CSF1R: variants seen among roughly 807,000 people sequenced by gnomAD.
CSF1R encodes the protein colony stimulating factor 1 receptor.
Under a neutral mutation model 110.0 loss-of-function variants are expected in CSF1R, and 40 were observed. The ratio of observed to expected loss-of-function variants is 0.36; its 90% CI spans 0.28 to 0.47. CSF1R has a LOEUF of 0.47. CSF1R is among the 20% of genes least tolerant of loss of function. The pLI is 0.99. For synonymous variants in CSF1R, 523 were observed against 503.4 expected, an observed-to-expected ratio of 1.04 and a Z score of -0.52; for missense variants, 1,052 against 1,253.0, an observed-to-expected ratio of 0.84 and a Z score of 2.42.
rs1364326384 is a variant in CSF1R, at chr5:150,077,447, A to G, written c.730-12T>C. ...TGAGGGATTGCGAGCTGCAGCCAGAAGGAATGGAGATGTTATACCAAGGTA... is the reference window on the plus strand; with the variant it reads ...TGAGGGATTGCGAGCTGCAGCCAGAGGGAATGGAGATGTTATACCAAGGTA... On this transcript the variant is annotated splice_polypyrimidine_tract_variant and intron_variant, in intron 4 of 20. Transcript: ENST00000675795. The G allele has an allele frequency of 6.2e-7, 1 of 1,608,712 alleles. No individual in the cohort carries two copies. The highest frequency in any genetic ancestry group is 1.1e-5 in the South Asian group (1 of 90,596).
At chr5:150,056,470 A>G (rs890814308) in intron 16 of CSF1R, 129 bp from the exon 17 acceptor site, 38 of 1,154,266 alleles carry the variant, frequency 3.3e-5, no homozygotes, top group Non-Finnish European at 4.7e-5. Flanking sequence ...TTGGTCCTTT[A>G]CCACAAACCC....
chr5:150,084,135 G>A (rs970143562), intron 1 of CSF1R, among the ~76,000 whole-genome samples: 3 of 151,884 alleles, frequency 2.0e-5, no homozygotes, highest in East Asian at 2.0e-4. Context: ...TCAGGAGTTC[G>A]AGACCAGCAT....
intron 14 of CSF1R, 60 bp from the exon 15 acceptor site, chr5:150,057,652 C>T (rs1027229361): frequency 7.6e-7 from 1 of 1,311,094 alleles, no homozygotes; most frequent in African/African-American, 1.5e-5. Flanking sequence ...CTGCTCAGCT[C>T]AGGCCTTGAC....
At chr5:150,107,844 G>C (rs1176562813) in intron 1 of CSF1R, among the ~76,000 whole-genome samples, 14 of 152,250 alleles carry the variant, frequency 9.2e-5, no homozygotes, top group African/African-American at 2.9e-4. Context: ...AATAATGCAG[G>C]TGAAGGGCAT....
chr5:150,109,542 T>C (rs1759658014), intron 1 of CSF1R, among the ~76,000 whole-genome samples: 1 of 152,200 alleles, frequency 6.6e-6, no homozygotes, highest in Non-Finnish European at 1.5e-5. Context: ...CATTTCTGTC[T>C]TCAACTCTTC....
In CSF1R at chr5:150,059,819, C is replaced by G. The variant is rs2113787668; in HGVS notation, c.2013G>C (p.Leu671=). The change falls in exon 14 of 21, where the codon CTG becomes CTC. Residue 671 remains leucine, a synonymous_variant. Transcript: ENST00000675795. The stretch of plus-strand genomic sequence containing the variant: ...CAGCCTTCCTTCGCAGAAAGTTGAG[C>G]AGGTCGCCATAGCAACAGTACTCCG... The part of the protein sequence containing the change: ...VITEYCCYGD[L]LNFLRRKAEA... 6.2e-7 allele frequency: 1 copy of G among 1,614,166 alleles called. No homozygotes were observed. Among genetic ancestry groups the G allele is most frequent in the South Asian group, 1.1e-5 (1 of 91,078 alleles).
At position 150,053,467 on chromosome 5, in the gene CSF1R, T is replaced by A. The variant is rs1459031005; in HGVS notation, c.*602A>T. The A allele has an allele frequency of 8.5e-6, 2 of 235,550 alleles. No homozygotes were observed. Among genetic ancestry groups the A allele is most frequent in the African/African-American group, 4.4e-5 (2 of 45,462 alleles). The allele number at this position is 235,550 out of a possible 1,614,324, so 14.6% of individuals were successfully genotyped here. A position where few individuals can be genotyped will look rare whatever the true frequency, so the allele number is the denominator to read the frequency against. ...GGACTGGGCAGAACACCCCCAACTT[T>A]TAGCTGCCACTTGGCTCATTACAGC... On this transcript the variant is annotated 3_prime_UTR_variant, in exon 21 of 21. Transcript: ENST00000675795.
chr5:150,078,807 G>A (rs1758399275), intron 3 of CSF1R, among the ~76,000 whole-genome samples: 1 of 152,140 alleles, frequency 6.6e-6, no homozygotes, highest in African/African-American at 2.4e-5. Context: ...TCAAATGGGA[G>A]GCTGTTCTCA....
intron 1 of CSF1R, among the ~76,000 whole-genome samples, chr5:150,102,962 T>A (rs1301781378): frequency 2.6e-5 from 4 of 152,228 alleles, no homozygotes; most frequent in Non-Finnish European, 4.4e-5. Flanking sequence ...GGTTTCATGT[T>A]TTGTTTAGGA....
chr5:150,105,905 T>C (rs1228634256), intron 1 of CSF1R, among the ~76,000 whole-genome samples: 2 of 152,220 alleles, frequency 1.3e-5, no homozygotes, highest in Non-Finnish European at 2.9e-5. Context: ...TTAGTGCTTT[T>C]AACACATGAG....
chr5:150,056,305 A>G lies in CSF1R; in HGVS notation c.2356T>C (p.Leu786=), dbSNP rs1238511944. The G allele has an allele frequency of 6.2e-7, 1 of 1,614,018 alleles. No individual in the cohort carries two copies. Among genetic ancestry groups the G allele is most frequent in the East Asian group, 2.2e-5 (1 of 44,882 alleles). Residue 786 remains leucine, a synonymous_variant, in exon 17 of 21, where the codon TTG becomes CTG. Coordinates refer to ENST00000675795, the MANE Select transcript of CSF1R (RefSeq NM_001288705.3). ...ATCTTGGCCACATGACCATTGGTCA[A>G]CAGCACGTTACGCGCTGCCACGTCC... ...HRDVAARNVL[L]TNGHVAKIGD... is the part of the protein sequence containing the mutation.
At chr5:150,106,893 C>G (rs2113869020) in intron 1 of CSF1R, among the ~76,000 whole-genome samples, 1 of 152,336 alleles carries the variant, frequency 6.6e-6, no homozygotes, top group Non-Finnish European at 1.5e-5. Flanking sequence ...CCCTGAGTTT[C>G]CTGGCACTTC....
chr5:150,075,271 C>T (rs1240810776), intron 5 of CSF1R, among the ~76,000 whole-genome samples: 6 of 152,220 alleles, frequency 3.9e-5, no homozygotes, highest in Admixed American at 6.5e-5. Flanking sequence ...CAAACACCAA[C>T]AACTTCCTGC....
rs1379443739 is a variant in CSF1R, at chr5:150,053,934, C to T, written c.*135G>A. Reference sequence around the variant, plus strand: ...ACCTCCCCTGAATCCCTCACCTTCCCAAGTTTCAGAGCTGGGCCGAGCTGT... The same window carrying T: ...ACCTCCCCTGAATCCCTCACCTTCCTAAGTTTCAGAGCTGGGCCGAGCTGT... On this transcript the variant is annotated 3_prime_UTR_variant, in exon 21 of 21. Coordinates refer to ENST00000675795, the MANE Select transcript of CSF1R (RefSeq NM_001288705.3). 1.1e-6 allele frequency: 1 copy of T among 903,506 alleles called. No individual in the cohort carries two copies. Among genetic ancestry groups the T allele is most frequent in the Non-Finnish European group, 1.7e-6 (1 of 585,632 alleles). The allele number at this position is 903,506 out of a possible 1,614,324, so 56.0% of individuals were successfully genotyped here.
intron 1 of CSF1R, among the ~76,000 whole-genome samples, chr5:150,104,401 C>T (rs956357870): frequency 6.6e-6 from 1 of 152,238 alleles, no homozygotes; most frequent in African/African-American, 2.4e-5. Flanking sequence ...TCCTATAGCT[C>T]CTTCAGACTC....
intron 1 of CSF1R, among the ~76,000 whole-genome samples, chr5:150,111,914 T>C (rs1459045439): frequency 1.3e-5 from 2 of 152,226 alleles, no homozygotes; most frequent in Non-Finnish European, 2.9e-5. Flanking sequence ...GATTTTTGTG[T>C]TGAGAATGTT....
At chr5:150,068,708 G>A (rs1757894056) in intron 9 of CSF1R, among the ~76,000 whole-genome samples, 2 of 152,160 alleles carry the variant, frequency 1.3e-5, no homozygotes, top group South Asian at 4.1e-4. Flanking sequence ...CGTTCAGAAA[G>A]GCCTTCTGGA....
intron 1 of CSF1R, among the ~76,000 whole-genome samples, chr5:150,106,486 G>A (rs530837608): frequency 6.6e-6 from 1 of 152,234 alleles, no homozygotes; most frequent in South Asian, 2.1e-4. Flanking sequence ...AGTGGAGTGG[G>A]CCCAAGCTAG....
chr5:150,074,305 GTTT>G, intron 5 of CSF1R, among the ~76,000 whole-genome samples: 1 of 126,858 alleles, frequency 7.9e-6, no homozygotes, highest in East Asian at 2.6e-4. Context: ...GTCCTGACTA[GTTT>G]TTTTTTTTTT....
Sources: gnomAD v4.1 joint callset for allele counts (sites outside exome capture counted in the v4.1 genomes callset) on GRCh38, gnomAD v4.1.1 for gene constraint, MANE v1.5 for transcripts, NCBI Gene and HGNC (gene_info 2026-07-23, HGNC 2026-07-21) for gene names.